Variants in CADM2 observed in about 807,000 individuals in gnomAD.
CADM2 encodes the protein immunoglobulin superfamily member 4D.
A neutral mutation model predicts 49.8 loss-of-function variants in CADM2; 12 were observed. That is an observed-to-expected ratio of 0.24 (90% CI 0.15 to 0.39). The LOEUF (loss-of-function observed/expected upper bound fraction) is 0.39, where lower values mean the gene tolerates loss of function less well. CADM2 is among the 10% of genes least tolerant of loss of function. The pLI is 1.00. For synonymous variants in CADM2, 214 were observed against 175.4 expected, an observed-to-expected ratio of 1.22 and a Z score of -1.74; for missense variants, 378 against 492.3, an observed-to-expected ratio of 0.77 and a Z score of 2.20.
rs1440228539 is a variant in CADM2, at chr3:85,205,758, G to A, written c.61+246090G>A. The stretch of plus-strand genomic sequence containing the variant: ...CTCACCAGAAAAAAAAAGATGTGAA[G>A]TTGGACATCATAATACATGAGTATT... On this transcript the variant is annotated intron_variant, in intron 1 of 9. Transcript: ENST00000383699. Among the ~76,000 whole-genome samples, 8 of 152,090 alleles carry A rather than the reference G, an allele frequency of 5.3e-5. No individual in the cohort carries two copies. The East Asian group carries it at 1.5e-3, about 29-fold the overall frequency.
At chr3:85,431,975 A>G (rs2036702046) in intron 1 of CADM2, among the ~76,000 whole-genome samples, 1 of 147,290 alleles carries the variant, frequency 6.8e-6, no homozygotes, top group South Asian at 2.2e-4. Context: ...ATCAGCTGCT[A>G]ACTTGAAGCA....
intron 1 of CADM2, among the ~76,000 whole-genome samples, chr3:85,432,035 C>T (rs1359399967): frequency 2.0e-5 from 3 of 147,988 alleles, no homozygotes; most frequent in African/African-American, 7.5e-5. Flanking sequence ...TAAAACAGTG[C>T]CTAAAAGTGG....
intron 1 of CADM2, among the ~76,000 whole-genome samples, chr3:85,115,854 G>A (rs1195970976): frequency 6.6e-6 from 1 of 152,062 alleles, no homozygotes; most frequent in Non-Finnish European, 1.5e-5. Context: ...GTGTTGAATT[G>A]GATTACATTC....
At chr3:86,057,580 A>G (rs1033550321) in intron 8 of CADM2, among the ~76,000 whole-genome samples, 7 of 152,212 alleles carry the variant, frequency 4.6e-5, no homozygotes, top group Non-Finnish European at 1.0e-4. Context: ...TGTTACAACT[A>G]TATTACAAGT....
intron 1 of CADM2, among the ~76,000 whole-genome samples, chr3:85,455,382 T>G (rs559871966): frequency 1.3e-5 from 2 of 152,300 alleles, no homozygotes; most frequent in South Asian, 4.1e-4. Context: ...CAAAAACAGG[T>G]TTTATATTGT....
chr3:85,312,636 GTTAATACTCACTAT>G (rs1050231793), intron 1 of CADM2, among the ~76,000 whole-genome samples: 4 of 151,924 alleles, frequency 2.6e-5, no homozygotes, highest in Admixed American at 2.6e-4. Flanking sequence ...AGTTTACTTT[GTTAATACTCACTAT>G]AAAAATCTAA....
At chr3:85,425,903 C>T (rs138795255) in intron 1 of CADM2, among the ~76,000 whole-genome samples, 1 of 152,204 alleles carries the variant, frequency 6.6e-6, no homozygotes, top group African/African-American at 2.4e-5. Flanking sequence ...AAAGGGCAGG[C>T]ACATGATCTA....
intron 2 of CADM2, among the ~76,000 whole-genome samples, chr3:85,765,639 T>C (rs1165007715): frequency 6.6e-6 from 1 of 152,070 alleles, no homozygotes; most frequent in African/African-American, 2.4e-5. Context: ...AGCTATTCAA[T>C]CACATTTTTA....
At chr3:85,842,744 C>T (rs529058770) in intron 3 of CADM2, among the ~76,000 whole-genome samples, 1 of 152,186 alleles carries the variant, frequency 6.6e-6, no homozygotes, top group East Asian at 1.9e-4. Context: ...TAAACTTAGT[C>T]TTATGTCTTT....
intron 3 of CADM2, among the ~76,000 whole-genome samples, chr3:85,846,897 A>AT (rs1577463310): frequency 6.6e-6 from 1 of 152,068 alleles, no homozygotes. Context: ...TTTTGCGTCT[A>AT]TTTTTTCCTT....
intron 1 of CADM2, among the ~76,000 whole-genome samples, chr3:85,383,537 T>TATATATATAC (rs1464540835): frequency 1.4e-5 from 2 of 145,348 alleles, no homozygotes; most frequent in East Asian, 2.0e-4. Context: ...TATATATATA[T>TATATATATAC]ACATATATAT....
intron 3 of CADM2, among the ~76,000 whole-genome samples, chr3:85,804,679 C>T (rs2072289844): frequency 6.6e-6 from 1 of 152,122 alleles, no homozygotes; most frequent in Non-Finnish European, 1.5e-5. Context: ...AAGTTATCCT[C>T]TAAAAAACAT....
chr3:85,102,436 A>T (rs1331862874), intron 1 of CADM2, among the ~76,000 whole-genome samples: 2 of 152,202 alleles, frequency 1.3e-5, no homozygotes, highest in Non-Finnish European at 2.9e-5. Context: ...TTTAATATAC[A>T]TAATCACAAC....
At chr3:85,057,959 C>G (rs928419737) in intron 1 of CADM2, among the ~76,000 whole-genome samples, 1 of 152,030 alleles carries the variant, frequency 6.6e-6, no homozygotes, top group Non-Finnish European at 1.5e-5. Context: ...AGAATTTTCC[C>G]GATGGTAGGT....
At chr3:86,007,944 A>G (rs12714646) in intron 8 of CADM2, among the ~76,000 whole-genome samples, 14,254 of 152,048 alleles carry the variant, frequency 0.094, 840 homozygotes, top group Non-Finnish European at 0.13. Context: ...AATCTCAAAC[A>G]GATCAAAATA....
intron 1 of CADM2, among the ~76,000 whole-genome samples, chr3:85,344,282 A>G (rs1448716186): frequency 1.2e-4 from 18 of 151,696 alleles, no homozygotes; most frequent in African/African-American, 3.4e-4. Flanking sequence ...TTGGGAGGCT[A>G]AGGCAGGAGA....
chr3:85,952,843 A>AT, intron 7 of CADM2, among the ~76,000 whole-genome samples: 1 of 150,704 alleles, frequency 6.6e-6, no homozygotes, highest in African/African-American at 2.4e-5. Flanking sequence ...TCTTTATTGG[A>AT]TTTTCCCCAG....
chr3:85,913,091 T>A (rs184751394), intron 6 of CADM2, among the ~76,000 whole-genome samples: 1 of 152,242 alleles, frequency 6.6e-6, no homozygotes, highest in Non-Finnish European at 1.5e-5. Context: ...CAGTGCTAAA[T>A]GTTTTGCTGG....
intron 1 of CADM2, among the ~76,000 whole-genome samples, chr3:85,510,436 T>C (rs1301399057): frequency 2.6e-5 from 4 of 152,082 alleles, no homozygotes; most frequent in Non-Finnish European, 5.9e-5. Context: ...TACATTTTTA[T>C]TGGTAAATAG....
Sources: gnomAD v4.1 joint callset for allele counts (sites outside exome capture counted in the v4.1 genomes callset) on GRCh38, gnomAD v4.1.1 for gene constraint, MANE v1.5 for transcripts, NCBI Gene and HGNC (gene_info 2026-07-23, HGNC 2026-07-21) for gene names.